Variants in METTL24 observed in about 807,000 individuals in gnomAD.
The protein encoded by METTL24 is probable methyltransferase-like protein 24.
Under a neutral mutation model 32.7 loss-of-function variants are expected in METTL24, and 29 were observed. The ratio of observed to expected loss-of-function variants is 0.89; its 90% CI spans 0.66 to 1.21. The LOEUF (loss-of-function observed/expected upper bound fraction) is 1.21, where lower values mean the gene tolerates loss of function less well. Ranked by LOEUF, METTL24 falls within the 50% of genes most tolerant of loss-of-function variation. The pLI, the probability that METTL24 is intolerant of heterozygous loss-of-function variation, is 0.00. For synonymous variants in METTL24, 163 were observed against 179.5 expected, an observed-to-expected ratio of 0.91 and a Z score of 0.73; for missense variants, 439 against 468.1, an observed-to-expected ratio of 0.94 and a Z score of 0.57.
chr6:110,323,017 C>T (rs1366516559), intron 1 of METTL24, 145 bp from the exon 2 acceptor site: 6 of 563,382 alleles, frequency 1.1e-5, no homozygotes, highest in East Asian at 2.9e-5. Context: ...AGGCTCTTTG[C>T]GAGCTGCTGT....
chr6:110,291,065 T>C (rs191089525), intron 4 of METTL24, among the ~76,000 whole-genome samples: 6 of 152,304 alleles, frequency 3.9e-5, no homozygotes, highest in Admixed American at 2.0e-4. Flanking sequence ...GTCTCCTCAT[T>C]TGTGGTTGTG....
intron 4 of METTL24, among the ~76,000 whole-genome samples, chr6:110,284,596 T>C (rs1771188443): frequency 1.3e-5 from 2 of 149,902 alleles, no homozygotes; most frequent in African/African-American, 5.1e-5. Flanking sequence ...AGAGAAACGA[T>C]CCCTGTGAAT....
At chr6:110,336,537 G>C (rs932911281) in intron 1 of METTL24, among the ~76,000 whole-genome samples, 6 of 152,084 alleles carry the variant, frequency 3.9e-5, no homozygotes, top group Non-Finnish European at 8.8e-5. Flanking sequence ...TCAGGAGATA[G>C]AGACCATCCT....
intron 4 of METTL24, among the ~76,000 whole-genome samples, chr6:110,248,516 G>A (rs17489041): frequency 0.028 from 4,275 of 152,230 alleles, 122 homozygotes; most frequent in Admixed American, 0.084. Flanking sequence ...CAGTTTGTCC[G>A]TTCAATAGTT....
chr6:110,333,336 A>G (rs917620506), intron 1 of METTL24, among the ~76,000 whole-genome samples: 1 of 152,096 alleles, frequency 6.6e-6, no homozygotes, highest in Non-Finnish European at 1.5e-5. Context: ...AAAAGCCACC[A>G]GTTTGCTCCA....
At chr6:110,324,022 A>G (rs1025600743) in intron 1 of METTL24, among the ~76,000 whole-genome samples, 2 of 152,166 alleles carry the variant, frequency 1.3e-5, no homozygotes, top group African/African-American at 4.8e-5. Context: ...GAGATGCTTT[A>G]GTACAAATGT....
At chr6:110,315,656 A>G (rs902967235) in intron 2 of METTL24, among the ~76,000 whole-genome samples, 175 bp from the exon 3 acceptor site, 2 of 152,174 alleles carry the variant, frequency 1.3e-5, no homozygotes, top group African/African-American at 4.8e-5. Context: ...GTTTGGAGAA[A>G]TTTCAATTAC....
At chr6:110,299,324 G>A (rs1191418372) in intron 3 of METTL24, among the ~76,000 whole-genome samples, 174 bp from the exon 4 acceptor site, 1 of 152,108 alleles carries the variant, frequency 6.6e-6, no homozygotes, top group Admixed American at 6.5e-5. Context: ...AAGCATTATT[G>A]CTCAAAGCTT....
intron 4 of METTL24, among the ~76,000 whole-genome samples, chr6:110,292,651 G>A (rs1038418942): frequency 6.6e-6 from 1 of 151,704 alleles, no homozygotes. Context: ...TTACCATGTG[G>A]AAATTTTGTA....
intron 1 of METTL24, chr6:110,332,502 T>C (rs1228856565): frequency 2.0e-6 from 2 of 982,992 alleles, no homozygotes; most frequent in African/African-American, 3.5e-5. Flanking sequence ...AACTACACAG[T>C]GTCTGCATAC....
chr6:110,325,685 A>G (rs1772005421), intron 1 of METTL24, among the ~76,000 whole-genome samples: 1 of 152,220 alleles, frequency 6.6e-6, no homozygotes, highest in Admixed American at 6.5e-5. Flanking sequence ...TGACCATGAG[A>G]GACTGGGCTC....
intron 3 of METTL24, among the ~76,000 whole-genome samples, chr6:110,300,413 C>A (rs1228660801): frequency 6.8e-6 from 1 of 147,466 alleles, no homozygotes. Flanking sequence ...GATCATCCAC[C>A]GAGACATGCT....
At chr6:110,259,113 G>C (rs977855720) in intron 4 of METTL24, among the ~76,000 whole-genome samples, 11 of 152,140 alleles carry the variant, frequency 7.2e-5, no homozygotes, top group Admixed American at 4.6e-4. Flanking sequence ...CTGTCAGACA[G>C]TGGGTGCAGG....
intron 3 of METTL24, among the ~76,000 whole-genome samples, chr6:110,314,606 A>G (rs1338077570): frequency 6.6e-6 from 1 of 152,200 alleles, no homozygotes; most frequent in Non-Finnish European, 1.5e-5. Flanking sequence ...TTGGTATAAA[A>G]CATACAAATC....
At chr6:110,264,976 G>A (rs1251798864) in intron 4 of METTL24, among the ~76,000 whole-genome samples, 1 of 151,912 alleles carries the variant, frequency 6.6e-6, no homozygotes, top group African/African-American at 2.4e-5. Context: ...CTGTTGTGGG[G>A]TGGGGGTAGT....
intron 3 of METTL24, among the ~76,000 whole-genome samples, chr6:110,311,865 C>T (rs1771729695): frequency 6.6e-6 from 1 of 152,112 alleles, no homozygotes; most frequent in Non-Finnish European, 1.5e-5. Context: ...CTATTCCTGT[C>T]CTTTGCCCAC....
At position 110,348,840 on chromosome 6, in the gene METTL24, C is replaced by T. The variant is rs568079393; in HGVS notation, c.318+9115G>A. ...CCCCCTAGAGAAAAAGACCAGCAGA[C>T]CATCATCCCACCTCTGCTCTGTGCA... On this transcript the variant is annotated intron_variant, in intron 1 of 4. Coordinates refer to ENST00000338882, the MANE Select transcript of METTL24 (RefSeq NM_001123364.3). Among the ~76,000 whole-genome samples, 6 of 152,336 alleles carry T rather than the reference C, an allele frequency of 3.9e-5. No homozygotes were observed. The South Asian group carries it at 1.2e-3, about 32-fold the overall frequency.
At chr6:110,274,560 C>A (rs1484293705) in intron 4 of METTL24, among the ~76,000 whole-genome samples, 1 of 152,026 alleles carries the variant, frequency 6.6e-6, no homozygotes. Context: ...ACAGTGCACA[C>A]TGCTCAGGAG....
chr6:110,348,650 G>A (rs1329400715), intron 1 of METTL24, among the ~76,000 whole-genome samples: 2 of 152,166 alleles, frequency 1.3e-5, no homozygotes, highest in Admixed American at 6.6e-5. Context: ...ATTTGGGGAC[G>A]GATTCTGAAA....
Sources: allele counts gnomAD v4.1 joint callset (sites outside exome capture counted in the v4.1 genomes callset), GRCh38; gene constraint gnomAD v4.1.1; transcripts MANE v1.5; gene names NCBI Gene and HGNC (gene_info 2026-07-23, HGNC 2026-07-21).